Variants in SRGAP3 observed in about 807,000 individuals in gnomAD.
SRGAP3 encodes the protein SLIT-ROBO Rho GTPase activating protein 3.
In SRGAP3, 39 loss-of-function variants were observed where a neutral mutation model predicts 121.1. The observed-to-expected ratio is 0.32, with a 90% CI of 0.25 to 0.42. The LOEUF is 0.42. Among genes scored for constraint, SRGAP3 ranks in the 10% least tolerant of loss-of-function variants. SRGAP3 has a pLI of 1.00. For synonymous variants in SRGAP3, 601 were observed against 570.0 expected, an observed-to-expected ratio of 1.05 and a Z score of -0.77; for missense variants, 1,213 against 1,470.6, an observed-to-expected ratio of 0.82 and a Z score of 2.86.
At chr3:9,306,830 T>C (rs1186844115) in intron 3 of SRGAP3, among the ~76,000 whole-genome samples, 1 of 152,222 alleles carries the variant, frequency 6.6e-6, no homozygotes, top group Non-Finnish European at 1.5e-5. Context: ...TGACAACCTA[T>C]TATACATGTC....
At chr3:9,035,315 A>C (rs1171005815) in intron 11 of SRGAP3, 1 of 161,146 alleles carries the variant, frequency 6.2e-6, no homozygotes, top group African/African-American at 2.4e-5. Flanking sequence ...CTTAAATTCT[A>C]CAAAGTGGAA....
intron 2 of SRGAP3, among the ~76,000 whole-genome samples, chr3:9,112,317 T>G (rs1041837489): frequency 6.6e-6 from 1 of 152,218 alleles, no homozygotes; most frequent in African/African-American, 2.4e-5. Flanking sequence ...CAATCAGTTC[T>G]GTGGCCAGAA....
chr3:9,119,229 C>T (rs1948915915), intron 2 of SRGAP3, among the ~76,000 whole-genome samples: 2 of 152,206 alleles, frequency 1.3e-5, no homozygotes, highest in African/African-American at 4.8e-5. Flanking sequence ...TCTTTTCCTC[C>T]ATTCCTCTCT....
intron 10 of SRGAP3, among the ~76,000 whole-genome samples, chr3:9,045,798 AAGT>A (rs1395415499): frequency 1.3e-5 from 2 of 152,200 alleles, no homozygotes; most frequent in African/African-American, 4.8e-5. Flanking sequence ...TCAAAAATGC[AAGT>A]AGCCACCAAC....
At chr3:9,321,329 T>C (rs963701275) in intron 3 of SRGAP3, among the ~76,000 whole-genome samples, 8 of 151,834 alleles carry the variant, frequency 5.3e-5, no homozygotes, top group African/African-American at 1.9e-4. Flanking sequence ...CCCATAGAAA[T>C]CATGAGTGAT....
intron 3 of SRGAP3, among the ~76,000 whole-genome samples, chr3:9,276,718 T>A (rs985522318): frequency 3.3e-5 from 5 of 152,192 alleles, no homozygotes; most frequent in Admixed American, 6.5e-5. Context: ...AGCCACCGCA[T>A]CCAGCCGAAT....
At chr3:9,013,927 A>C in intron 15 of SRGAP3, 85 bp from the exon 16 acceptor site, 3 of 1,268,878 alleles carry the variant, frequency 2.4e-6, no homozygotes, top group Non-Finnish European at 3.4e-6. Flanking sequence ...CTCCTATATC[A>C]ACCCACGTGG....
intron 12 of SRGAP3, among the ~76,000 whole-genome samples, chr3:9,029,997 T>C (rs1944400093): frequency 6.6e-6 from 1 of 152,070 alleles, no homozygotes; most frequent in South Asian, 2.1e-4. Flanking sequence ...AAAAATTATT[T>C]TTTAATCAGC....
rs1945923025 is a variant in SRGAP3, at chr3:9,058,165, G to A, written c.1023+86C>T. ...CCCAGGCGTCGGATAGAAACTTTCTGTACGTGCAACCAGGGATGATGTACT... is the reference window on the plus strand; with the variant it reads ...CCCAGGCGTCGGATAGAAACTTTCTATACGTGCAACCAGGGATGATGTACT... On this transcript the variant is annotated intron_variant, in intron 7 of 21. Coordinates refer to ENST00000383836, the MANE Select transcript of SRGAP3 (RefSeq NM_014850.4). The A allele has an allele frequency of 4.2e-6, 6 of 1,445,232 alleles. No homozygotes were observed. The Admixed American group carries it at 5.0e-5, about 12-fold the overall frequency. 89.5% of individuals were successfully genotyped at this position (1,445,232 alleles called of 1,614,324 possible).
intron 1 of SRGAP3, among the ~76,000 whole-genome samples, chr3:9,204,863 C>T (rs1195980316): frequency 2.6e-5 from 4 of 152,248 alleles, no homozygotes; most frequent in Non-Finnish European, 5.9e-5. Flanking sequence ...AGAGCGGTGA[C>T]GCTGAAAACC....
rs540034472 is a variant in SRGAP3, at chr3:9,305,548, A to C, written n.442+20462T>G. Reference sequence around the variant, plus strand: ...TACATTAGATATTTCTCCTAATGCTATCCGTCCCCCAGTCTCCCACCCCCC... The same window carrying C: ...TACATTAGATATTTCTCCTAATGCTCTCCGTCCCCCAGTCTCCCACCCCCC... On this transcript the variant is annotated intron_variant and non_coding_transcript_variant, in intron 3 of 3. Transcript: ENST00000490889. Among the ~76,000 whole-genome samples the C allele has an allele frequency of 2.0e-3, 304 of 151,882 alleles. 1 individual carries two copies. The highest frequency in any genetic ancestry group is 7.0e-3 in the African/African-American group (290 of 41,394).
chr3:9,078,999 G>A (rs192772709), intron 4 of SRGAP3, among the ~76,000 whole-genome samples: 122 of 152,216 alleles, frequency 8.0e-4, no homozygotes, highest in Admixed American at 2.0e-3. Flanking sequence ...AGGCCCTCCC[G>A]CAAAGGCTCT....
intron 3 of SRGAP3, among the ~76,000 whole-genome samples, chr3:9,267,292 G>A (rs1954384890): frequency 6.6e-6 from 1 of 151,918 alleles, no homozygotes; most frequent in African/African-American, 2.4e-5. Context: ...AGGATTGGCT[G>A]GGAAAACAGC....
In SRGAP3 at chr3:9,332,383, G is replaced by C. The variant is rs191415684; in HGVS notation, n.215-1787C>G. On this transcript the variant is annotated intron_variant and non_coding_transcript_variant, in intron 1 of 3. Transcript: ENST00000490889. ...GATCCACCTGCCTTGGCCTTCCAAA[G>C]TGCTGGGGTTACAGGCATGAGCCAC... Among the ~76,000 whole-genome samples the C allele has an allele frequency of 4.1e-4, 63 of 152,288 alleles. No homozygotes were observed. In the East Asian group the frequency reaches 6.0e-3, roughly 14 times the overall value.
intron 3 of SRGAP3, among the ~76,000 whole-genome samples, chr3:9,321,990 T>A (rs1559276555): frequency 1.3e-5 from 2 of 150,892 alleles, no homozygotes; most frequent in Non-Finnish European, 2.9e-5. Context: ...ATAATAATAA[T>A]AATAATAAAT....
intron 3 of SRGAP3, among the ~76,000 whole-genome samples, chr3:9,080,772 T>G (rs973868674): frequency 8.6e-5 from 13 of 152,022 alleles, no homozygotes; most frequent in Non-Finnish European, 1.6e-4. Flanking sequence ...GGGATCTAGG[T>G]TGCACGCTCC....
At chr3:9,045,261 C>T (rs71314323) in intron 10 of SRGAP3, among the ~76,000 whole-genome samples, 6,226 of 151,636 alleles carry the variant, frequency 0.041, 171 homozygotes, top group East Asian at 0.085. Flanking sequence ...TCAAAGGAAG[C>T]GCAGTGAGCC....
intron 1 of SRGAP3, among the ~76,000 whole-genome samples, chr3:9,158,849 G>GGGT (rs1950511169): frequency 6.6e-6 from 1 of 152,134 alleles, no homozygotes; most frequent in Non-Finnish European, 1.5e-5. Context: ...CACAACTCAG[G>GGGT]CATGGGAAGG....
intron 1 of SRGAP3, among the ~76,000 whole-genome samples, chr3:9,358,518 C>G (rs1487304794): frequency 6.6e-6 from 1 of 152,226 alleles, no homozygotes; most frequent in African/African-American, 2.4e-5. Context: ...TTCTCCTCAT[C>G]AGCCAGCAGG....
Sources: allele counts gnomAD v4.1 joint callset (sites outside exome capture counted in the v4.1 genomes callset), GRCh38; gene constraint gnomAD v4.1.1; transcripts MANE v1.5; gene names NCBI Gene and HGNC (gene_info 2026-07-23, HGNC 2026-07-21).